MAP3K1: variants seen among roughly 807,000 people sequenced by gnomAD.
MAP3K1 encodes the protein mitogen-activated protein kinase kinase kinase 1, also known as MAP/ERK kinase kinase 1.
MAP3K1 carries 36 observed loss-of-function variants against 144.2 expected under a neutral mutation model. That is an observed-to-expected ratio of 0.25 (90% CI 0.19 to 0.33). MAP3K1 has a LOEUF of 0.33. Among genes scored for constraint, MAP3K1 ranks in the 10% least tolerant of loss-of-function variants. The probability of loss-of-function intolerance (pLI) is 1.00; values close to 1 mark genes in which losing one functional copy is unlikely to be tolerated. For missense variants in MAP3K1, 1,650 were observed against 1,881.9 expected (o/e 0.88, Z 2.28); for synonymous variants, 718 against 688.7 (o/e 1.04, Z -0.67).
chr5:56,875,266 A>G lies in MAP3K1; in HGVS notation c.1921A>G (p.Met641Val), dbSNP rs759485701. ...GGAGGCATGCTGCAGCGTTCTGTCA[A>G]TGGTCTGTGCTGACCCTGTCTACAA... ...VVEACCSVLS[M>V]VCADPVYKVY... Residue 641 changes from methionine (M) to valine (V), a missense_variant, in exon 10 of 20, where the codon ATG (methionine) becomes GTG (valine). Physicochemically the swap from Met to Val is conservative, Grantham distance 21 (BLOSUM62 1). Coordinates refer to ENST00000399503, the MANE Select transcript of MAP3K1 (RefSeq NM_005921.2). 68 of 1,614,028 alleles carry G rather than the reference A, an allele frequency of 4.2e-5. No individual in the cohort carries two copies. Among genetic ancestry groups the G allele is most frequent in the African/African-American group, 1.7e-4 (13 of 74,938 alleles).
intron 1 of MAP3K1, among the ~76,000 whole-genome samples, chr5:56,837,544 G>T (rs530017525): frequency 6.6e-6 from 1 of 152,238 alleles, no homozygotes; most frequent in Admixed American, 6.5e-5. Flanking sequence ...TCTTTCTGGC[G>T]TAGAAGTTCA....
At chr5:56,816,426 C>T (rs1187656024) in intron 1 of MAP3K1, among the ~76,000 whole-genome samples, 1 of 151,988 alleles carries the variant, frequency 6.6e-6, no homozygotes, top group Non-Finnish European at 1.5e-5. Flanking sequence ...CGGCGGCGCC[C>T]CCGGACGGGT....
At chr5:56,822,411 A>G in intron 1 of MAP3K1, among the ~76,000 whole-genome samples, 1 of 152,232 alleles carries the variant, frequency 6.6e-6, no homozygotes, top group Non-Finnish European at 1.5e-5. Context: ...TGAGCCTTCT[A>G]ATAATTAGTG....
intron 17 of MAP3K1, among the ~76,000 whole-genome samples, chr5:56,886,480 TAG>T (rs1457382103): frequency 6.6e-6 from 1 of 152,128 alleles, no homozygotes; most frequent in African/African-American, 2.4e-5. Flanking sequence ...TTCAGAATAT[TAG>T]AACTGAAATG....
intron 1 of MAP3K1, among the ~76,000 whole-genome samples, chr5:56,827,020 A>G (rs1019477580): frequency 7.2e-5 from 11 of 152,196 alleles, no homozygotes; most frequent in African/African-American, 2.7e-4. Context: ...CCAAGTCCCG[A>G]TAAACGTGGA....
intron 10 of MAP3K1, among the ~76,000 whole-genome samples, 181 bp from the exon 11 acceptor site, chr5:56,878,799 C>G (rs1748115293): frequency 6.6e-6 from 1 of 151,894 alleles, no homozygotes; most frequent in South Asian, 2.1e-4. Flanking sequence ...TCCTTCCTGC[C>G]CCATTCATTT....
At chr5:56,845,598 G>C (rs1746967175) in intron 1 of MAP3K1, among the ~76,000 whole-genome samples, 1 of 151,358 alleles carries the variant, frequency 6.6e-6, no homozygotes, top group Non-Finnish European at 1.5e-5. Context: ...AGTAGCAAGG[G>C]GGGATTCTTA....
chr5:56,874,040 A>G (rs1579769867), intron 9 of MAP3K1, among the ~76,000 whole-genome samples: 2 of 152,188 alleles, frequency 1.3e-5, no homozygotes, highest in South Asian at 4.1e-4. Context: ...TTTAGGTCAG[A>G]CTAGGCTCTA....
Position 56,892,976 on chromosome 5 carries a change from T to TA in MAP3K1, c.4390-546dup, listed in dbSNP as rs1162696229. On this transcript the variant is annotated intron_variant, in intron 19 of 19. Coordinates refer to ENST00000399503, the MANE Select transcript of MAP3K1 (RefSeq NM_005921.2). ...AGACCAAATAAAATTTCTTTTTTTT[T>TA]AAAAAAAAAGTATTCAGACTTACAA... Among the ~76,000 whole-genome samples the TA allele has an allele frequency of 6.6e-5, 10 of 150,420 alleles. No individual in the cohort carries two copies. In the East Asian group the frequency reaches 1.7e-3, roughly 26 times the overall value.
chr5:56,892,955 CAAATA>C (rs1158018126), intron 19 of MAP3K1, among the ~76,000 whole-genome samples: 1 of 147,912 alleles, frequency 6.8e-6, no homozygotes, highest in Non-Finnish European at 1.5e-5. Flanking sequence ...CAAATAAGAC[CAAATA>C]AAATTTCTTT....
chr5:56,867,106 A>G (rs1472150556), intron 6 of MAP3K1, among the ~76,000 whole-genome samples: 1 of 152,228 alleles, frequency 6.6e-6, no homozygotes, highest in Non-Finnish European at 1.5e-5. Context: ...TGCTGGGATT[A>G]CAAGTGTGAA....
At chr5:56,845,126 A>G (rs73759234) in intron 1 of MAP3K1, among the ~76,000 whole-genome samples, 2,240 of 152,354 alleles carry the variant, frequency 0.015, 64 homozygotes, top group African/African-American at 0.051. Flanking sequence ...TTACATATCT[A>G]TAACTTCTTA....
chr5:56,861,359 G>A (rs1404480557), intron 3 of MAP3K1, among the ~76,000 whole-genome samples: 4 of 151,968 alleles, frequency 2.6e-5, no homozygotes, highest in Admixed American at 2.0e-4. Flanking sequence ...ATCACTGGAG[G>A]TCAGGAGTTC....
intron 1 of MAP3K1, among the ~76,000 whole-genome samples, chr5:56,824,791 T>G (rs1228965444): frequency 6.6e-6 from 1 of 152,206 alleles, no homozygotes; most frequent in Non-Finnish European, 1.5e-5. Context: ...AAATGGATGC[T>G]GCTTACCGAA....
intron 9 of MAP3K1, among the ~76,000 whole-genome samples, chr5:56,874,361 C>T (rs1387435221): frequency 6.6e-6 from 1 of 152,132 alleles, no homozygotes; most frequent in Non-Finnish European, 1.5e-5. Flanking sequence ...GCTTTTGGGG[C>T]ATGGTATTGA....
At chr5:56,855,031 C>T (rs555827699) in intron 1 of MAP3K1, among the ~76,000 whole-genome samples, 1 of 152,218 alleles carries the variant, frequency 6.6e-6, no homozygotes, top group East Asian at 1.9e-4. Context: ...CCTGGAATAC[C>T]AACTGAGCAG....
Position 56,875,114 on chromosome 5 carries a change from A to C in MAP3K1, c.1769A>C (p.Asp590Ala). 6.2e-7 allele frequency: 1 copy of C among 1,614,194 alleles called. No homozygotes were observed. Among genetic ancestry groups the C allele is most frequent in the South Asian group, 1.1e-5 (1 of 91,084 alleles). Residue 590 changes from aspartate (D) to alanine (A), a missense_variant, in exon 10 of 20, where the codon GAT becomes GCT. Asp to Ala is a moderately radical substitution (Grantham distance 126). Coordinates refer to ENST00000399503, the MANE Select transcript of MAP3K1 (RefSeq NM_005921.2). Reference sequence around the variant, plus strand: ...ATGGCCCTCAGGCGTCTTTCCCATGATGTCAGTGGGGCCCTGCTGTTGGCA... The same window carrying C: ...ATGGCCCTCAGGCGTCTTTCCCATGCTGTCAGTGGGGCCCTGCTGTTGGCA... Reference protein sequence around the residue: ...REMALRRLSHDVSGALLLANG... With the variant: ...REMALRRLSHAVSGALLLANG...
chr5:56,848,260 C>T (rs75643665), intron 1 of MAP3K1, among the ~76,000 whole-genome samples: 257 of 152,284 alleles, frequency 1.7e-3, no homozygotes, highest in Non-Finnish European at 2.8e-3. Flanking sequence ...GAATATTCTT[C>T]CTTTTCTCAT....
In MAP3K1 at chr5:56,893,999, A is replaced by G. The variant is rs1748629128; in HGVS notation, c.*319A>G. The G allele has an allele frequency of 2.4e-6, 1 of 423,870 alleles. No homozygotes were observed. The highest frequency in any genetic ancestry group is 4.4e-6 in the Non-Finnish European group (1 of 228,252). The allele number at this position is 423,870 out of a possible 1,614,324, so 26.3% of individuals were successfully genotyped here. ...ATTTTTTTGGAGCACTTTTTCAGCA[A>G]TATTAGCGGCTGAGGGGCTCAGGAT... On this transcript the variant is annotated 3_prime_UTR_variant, in exon 20 of 20. Transcript: ENST00000399503.
Sources: allele counts gnomAD v4.1 joint callset (sites outside exome capture counted in the v4.1 genomes callset), GRCh38; gene constraint gnomAD v4.1.1; transcripts MANE v1.5; gene names NCBI Gene and HGNC (gene_info 2026-07-23, HGNC 2026-07-21).